The following KCNMB4 variants were observed in gnomAD, a reference collection of about 807,000 sequenced individuals.
KCNMB4 encodes calcium-activated potassium channel subunit beta-4.
Under a neutral mutation model 20.7 loss-of-function variants are expected in KCNMB4, and 3 were observed. The observed-to-expected ratio is 0.14, with a 90% CI of 0.07 to 0.37. The LOEUF is 0.37. KCNMB4 is among the 10% of genes least tolerant of loss of function. KCNMB4 has a pLI of 1.00. For missense variants in KCNMB4, 168 were observed against 265.9 expected (o/e 0.63, Z 2.56); for synonymous variants, 110 against 113.4 (o/e 0.97, Z 0.19).
intron 2 of KCNMB4, among the ~76,000 whole-genome samples, chr12:70,421,838 C>T (rs1168173609): frequency 6.6e-6 from 1 of 151,382 alleles, no homozygotes; most frequent in Non-Finnish European, 1.5e-5. Flanking sequence ...GCCTTGGCCT[C>T]CCAAAGTGCT....
chr12:70,377,598 C>T (rs991606564), intron 1 of KCNMB4, among the ~76,000 whole-genome samples: 9 of 152,090 alleles, frequency 5.9e-5, no homozygotes, highest in African/African-American at 2.2e-4. Context: ...GCTAAGACAA[C>T]GAAGTTTCCT....
At chr12:70,399,343 TGTG>T (rs1286969245) in intron 1 of KCNMB4, among the ~76,000 whole-genome samples, 1 of 152,176 alleles carries the variant, frequency 6.6e-6, no homozygotes, top group Non-Finnish European at 1.5e-5. Flanking sequence ...AGAATCTAGT[TGTG>T]GTTGTAGAGC....
chr12:70,400,428 C>A, intron 2 of KCNMB4, 92 bp downstream of exon 2: 2 of 1,286,252 alleles, frequency 1.6e-6, no homozygotes, highest in Non-Finnish European at 2.1e-6. Context: ...CACTTGACAG[C>A]ATGGAGATAG....
At chr12:70,384,783 A>T (rs962473412) in intron 1 of KCNMB4, among the ~76,000 whole-genome samples, 1 of 148,244 alleles carries the variant, frequency 6.7e-6, no homozygotes, top group East Asian at 2.0e-4. Context: ...GCAAGACGGT[A>T]GGATCGCTTG....
chr12:70,421,004 A>G (rs1049534092), intron 2 of KCNMB4, among the ~76,000 whole-genome samples: 16 of 151,142 alleles, frequency 1.1e-4, no homozygotes, highest in Admixed American at 5.3e-4. Context: ...GTGAGCTGAG[A>G]TAGCGCCACT....
chr12:70,391,836 A>G (rs1463306743), intron 1 of KCNMB4, among the ~76,000 whole-genome samples: 1 of 152,180 alleles, frequency 6.6e-6, no homozygotes, highest in African/African-American at 2.4e-5. Flanking sequence ...CATTGCTGTA[A>G]TCAATGGCTC....
intron 2 of KCNMB4, among the ~76,000 whole-genome samples, chr12:70,404,171 T>C (rs1388775885): frequency 1.3e-5 from 2 of 152,100 alleles, no homozygotes; most frequent in African/African-American, 2.4e-5. Context: ...TAGCTTGGGG[T>C]TAGATTTCTA....
chr12:70,388,912 C>A (rs1868278314), intron 1 of KCNMB4, among the ~76,000 whole-genome samples: 1 of 151,380 alleles, frequency 6.6e-6, no homozygotes, highest in African/African-American at 2.4e-5. Context: ...AGTAGTACTC[C>A]ACTGCTCCAA....
At chr12:70,408,812 A>G (rs935026923) in intron 2 of KCNMB4, among the ~76,000 whole-genome samples, 8 of 152,010 alleles carry the variant, frequency 5.3e-5, no homozygotes, top group Admixed American at 2.6e-4. Context: ...AATTCTCCCT[A>G]TATCATGTTT....
intron 2 of KCNMB4, among the ~76,000 whole-genome samples, chr12:70,409,203 G>A (rs922968463): frequency 2.0e-5 from 3 of 152,102 alleles, no homozygotes; most frequent in African/African-American, 7.2e-5. Flanking sequence ...AAACACACAC[G>A]TCAAATGAAC....
intron 2 of KCNMB4, among the ~76,000 whole-genome samples, chr12:70,427,547 T>C (rs1000410341): frequency 1.3e-5 from 2 of 152,228 alleles, no homozygotes; most frequent in African/African-American, 4.8e-5. Flanking sequence ...TAATTACAAA[T>C]TCAGTATAGC....
chr12:70,381,146 A>G (rs1375348370), intron 1 of KCNMB4, among the ~76,000 whole-genome samples: 2 of 152,188 alleles, frequency 1.3e-5, no homozygotes, highest in African/African-American at 2.4e-5. Flanking sequence ...CACATGAAAA[A>G]ATGTTTGACA....
chr12:70,380,327 T>C (rs2136119067), intron 1 of KCNMB4, among the ~76,000 whole-genome samples: 1 of 152,296 alleles, frequency 6.6e-6, no homozygotes, highest in East Asian at 1.9e-4. Context: ...CCAAAGCAAT[T>C]ATAATAGTAA....
intron 1 of KCNMB4, among the ~76,000 whole-genome samples, chr12:70,384,945 A>G (rs537245852): frequency 2.0e-5 from 3 of 151,526 alleles, no homozygotes; most frequent in East Asian, 1.9e-4. Flanking sequence ...GATGCTCCCT[A>G]TTTAAAGGTG....
chr12:70,398,915 G>A (rs1202529116), intron 1 of KCNMB4, among the ~76,000 whole-genome samples: 1 of 152,146 alleles, frequency 6.6e-6, no homozygotes, highest in Non-Finnish European at 1.5e-5. Flanking sequence ...GCACTTAACT[G>A]TGGTAGAAGA....
chr12:70,406,679 T>C (rs1240403528), intron 2 of KCNMB4, among the ~76,000 whole-genome samples: 1 of 152,144 alleles, frequency 6.6e-6, no homozygotes, highest in Non-Finnish European at 1.5e-5. Flanking sequence ...CCCTTCCATG[T>C]GCTGTCCTGA....
At chr12:70,407,916 G>A (rs1036941217) in intron 2 of KCNMB4, among the ~76,000 whole-genome samples, 16 of 152,128 alleles carry the variant, frequency 1.1e-4, no homozygotes, top group East Asian at 5.8e-4. Context: ...CTCTCACCCC[G>A]ACTACTCAGG....
At chr12:70,400,159 T>A in intron 1 of KCNMB4, 50 bp from the exon 2 acceptor site, 1 of 1,425,504 alleles carries the variant, frequency 7.0e-7, no homozygotes, top group Middle Eastern at 1.9e-4. Context: ...AGACTGTATC[T>A]CAATGTTCCA....
At chr12:70,401,301 C>T (rs1385335153) in intron 2 of KCNMB4, among the ~76,000 whole-genome samples, 1 of 152,240 alleles carries the variant, frequency 6.6e-6, no homozygotes, top group Non-Finnish European at 1.5e-5. Context: ...GCTGAAATTA[C>T]AGGCGTGAGC....
Sources: allele counts gnomAD v4.1 joint callset (sites outside exome capture counted in the v4.1 genomes callset), GRCh38; gene constraint gnomAD v4.1.1; transcripts MANE v1.5; gene names NCBI Gene and HGNC (gene_info 2026-07-23, HGNC 2026-07-21).